The following GALNT13 variants were observed in gnomAD, a reference collection of about 807,000 sequenced individuals.
The protein encoded by GALNT13 is polypeptide N-acetylgalactosaminyltransferase 13.
GALNT13 carries 28 observed loss-of-function variants against 64.2 expected under a neutral mutation model. That is an observed-to-expected ratio of 0.44 (90% CI 0.32 to 0.60). The LOEUF (loss-of-function observed/expected upper bound fraction) is 0.60. Ranked by LOEUF, GALNT13 falls within the 20% of genes least tolerant of loss-of-function variation. The probability of loss-of-function intolerance (pLI) is 0.05; values close to 1 mark genes in which losing one functional copy is unlikely to be tolerated. For synonymous variants in GALNT13, 214 were observed against 224.6 expected (o/e 0.95, Z 0.42); for missense variants, 577 against 669.8 (o/e 0.86, Z 1.53).
At chr2:153,451,001 C>T in the GALNT13 span, among the ~76,000 whole-genome samples, 5 of 152,252 alleles carry the variant, frequency 3.3e-5, no homozygotes, top group East Asian at 9.6e-4. Context: ...AAAGCATGTT[C>T]TGTACACAAT....
the GALNT13 span, among the ~76,000 whole-genome samples, chr2:153,457,630 G>A: frequency 6.6e-6 from 1 of 152,166 alleles, no homozygotes; most frequent in East Asian, 1.9e-4. Context: ...GACTCTGAAA[G>A]GTAATTATGT....
the GALNT13 span, among the ~76,000 whole-genome samples, chr2:153,215,715 T>C: frequency 6.6e-6 from 1 of 152,182 alleles, no homozygotes; most frequent in South Asian, 2.1e-4. Flanking sequence ...TTTCTATGTG[T>C]CTTGCCTTTC....
At chr2:153,630,809 T>TA in the GALNT13 span, among the ~76,000 whole-genome samples, 19 of 14,058 alleles carry the variant, frequency 1.4e-3, no homozygotes, top group Admixed American at 2.3e-3. Context: ...ATATATATAT[T>TA]TTTTTTTTTT....
chr2:153,684,875 G>T, the GALNT13 span, among the ~76,000 whole-genome samples: 1 of 151,500 alleles, frequency 6.6e-6, no homozygotes, highest in Non-Finnish European at 1.5e-5. Context: ...TCATAATTTG[G>T]CTCCCAATTG....
At chr2:154,217,207 G>T (rs1274686523) in intron 4 of GALNT13, among the ~76,000 whole-genome samples, 2 of 151,868 alleles carry the variant, frequency 1.3e-5, no homozygotes, top group Non-Finnish European at 2.9e-5. Context: ...TTATGAATGG[G>T]ATTCCTGAAG....
At chr2:153,864,332 G>T in the GALNT13 span, among the ~76,000 whole-genome samples, 1 of 152,250 alleles carries the variant, frequency 6.6e-6, no homozygotes, top group African/African-American at 2.4e-5. Flanking sequence ...CTGATGGGGG[G>T]AAGGAAAGAT....
chr2:153,161,173 C>G, the GALNT13 span, among the ~76,000 whole-genome samples: 1 of 152,212 alleles, frequency 6.6e-6, no homozygotes, highest in Non-Finnish European at 1.5e-5. Flanking sequence ...CGCTTATGAA[C>G]TGCTTGATAG....
the GALNT13 span, among the ~76,000 whole-genome samples, chr2:153,074,475 A>G: frequency 6.6e-6 from 1 of 152,304 alleles, no homozygotes; most frequent in African/African-American, 2.4e-5. Context: ...TTGTGTGAAC[A>G]TCAGAGTATA....
At chr2:153,235,891 C>G in the GALNT13 span, among the ~76,000 whole-genome samples, 1 of 152,250 alleles carries the variant, frequency 6.6e-6, no homozygotes, top group African/African-American at 2.4e-5. Context: ...AAAGCATGTT[C>G]AAAGCTGAGA....
At chr2:154,363,229 C>T (rs1697176018) in intron 9 of GALNT13, among the ~76,000 whole-genome samples, 1 of 152,172 alleles carries the variant, frequency 6.6e-6, no homozygotes, top group South Asian at 2.1e-4. Context: ...CAGCTCACCC[C>T]AGTTTGAATC....
the GALNT13 span, among the ~76,000 whole-genome samples, chr2:153,669,218 C>T: frequency 6.6e-6 from 1 of 152,178 alleles, no homozygotes; most frequent in Admixed American, 6.5e-5. Context: ...CCCCATACCA[C>T]TTTGTTAGCA....
chr2:153,802,200 G>A, the GALNT13 span, among the ~76,000 whole-genome samples: 8 of 152,152 alleles, frequency 5.3e-5, no homozygotes, highest in East Asian at 1.2e-3. Flanking sequence ...CTTTCTTTAA[G>A]ACTTTCTCAA....
chr2:153,669,667 T>G, the GALNT13 span, among the ~76,000 whole-genome samples: 2 of 152,148 alleles, frequency 1.3e-5, no homozygotes, highest in South Asian at 4.1e-4. Flanking sequence ...TTCATCTCAC[T>G]GGGACTAGTG....
At chr2:153,238,381 G>A in the GALNT13 span, among the ~76,000 whole-genome samples, 1 of 151,900 alleles carries the variant, frequency 6.6e-6, no homozygotes, top group African/African-American at 2.4e-5. Context: ...TGTGCTTGTG[G>A]GGTATTACTG....
the GALNT13 span, among the ~76,000 whole-genome samples, chr2:153,590,904 G>T: frequency 9.2e-4 from 140 of 152,034 alleles, no homozygotes; most frequent in Non-Finnish European, 1.5e-3. Flanking sequence ...TTAGAAACTG[G>T]AATGAGATAA....
At chr2:154,018,800 C>T (rs917375085) in intron 3 of GALNT13, among the ~76,000 whole-genome samples, 2 of 146,640 alleles carry the variant, frequency 1.4e-5, no homozygotes, top group African/African-American at 2.5e-5. Context: ...GGGAGAGGGA[C>T]GGGGATGAAG....
At chr2:154,296,103 A>G (rs1466017170) in intron 8 of GALNT13, among the ~76,000 whole-genome samples, 2 of 152,114 alleles carry the variant, frequency 1.3e-5, no homozygotes, top group African/African-American at 4.8e-5. Context: ...TGTTAGTCCC[A>G]TAGCTCATTC....
the GALNT13 span, among the ~76,000 whole-genome samples, chr2:153,674,440 A>G: frequency 6.6e-6 from 1 of 152,350 alleles, no homozygotes; most frequent in Non-Finnish European, 1.5e-5. Context: ...TGACAAAAAA[A>G]GCAATGGAGA....
the GALNT13 span, among the ~76,000 whole-genome samples, chr2:153,125,510 C>A: frequency 6.6e-6 from 1 of 152,066 alleles, no homozygotes. Flanking sequence ...TATAATAGTG[C>A]GCAGGACTAA....
Sources: allele counts gnomAD v4.1 joint callset (sites outside exome capture counted in the v4.1 genomes callset), GRCh38; gene constraint gnomAD v4.1.1; transcripts MANE v1.5; gene names NCBI Gene and HGNC (gene_info 2026-07-23, HGNC 2026-07-21).